Variants in KIAA1671 observed in about 807,000 individuals in gnomAD.
KIAA1671 encodes the protein uncharacterized protein KIAA1671.
KIAA1671 carries 52 observed loss-of-function variants against 131.2 expected under a neutral mutation model. The observed-to-expected ratio is 0.40, with a 90% confidence interval of 0.32 to 0.50. The LOEUF is 0.50. Among genes scored for constraint, KIAA1671 ranks in the 20% least tolerant of loss-of-function variants. The pLI, the probability that KIAA1671 is intolerant of heterozygous loss-of-function variation, is 0.73. For synonymous variants in KIAA1671, 1,003 were observed against 961.6 expected (o/e 1.04, Z -0.80); for missense variants, 2,360 against 2,364.2 (o/e 1.00, Z 0.04).
intron 6 of KIAA1671, among the ~76,000 whole-genome samples, chr22:25,075,778 CTTT>C (rs59244604): frequency 7.5e-6 from 1 of 132,580 alleles, no homozygotes. Flanking sequence ...CAGTGCGCAT[CTTT>C]TTTTTTTTTT....
intron 1 of KIAA1671, among the ~76,000 whole-genome samples, chr22:25,006,161 A>G (rs2123869287): frequency 6.6e-6 from 1 of 152,190 alleles, no homozygotes; most frequent in South Asian, 2.1e-4. Flanking sequence ...CCTCCCGAGT[A>G]GCTGGGACTA....
chr22:25,174,343 G>A lies in KIAA1671; in HGVS notation c.4753G>A (p.Gly1585Arg). ...CTCCCAAACGGAGCCCACCTCGGCA[G>A]GGGACCAGTATGACTGCTCCAGGGA... The part of the protein sequence containing the change: ...LSSQTEPTSA[G>R]DQYDCSRDQR... The change falls in exon 8 of 13, where the codon GGG becomes AGG. Residue 1585 changes from glycine to arginine, a missense_variant. Around this residue, in one of 3 missense-constraint regions of KIAA1671, gnomAD observed 1,161 missense variants for 1,204.7 expected, o/e 0.96. Transcript: ENST00000358431. 1.3e-6 allele frequency: 2 copies of A among 1,552,008 alleles called. No individual in the cohort carries two copies. Among genetic ancestry groups the A allele is most frequent in the Non-Finnish European group, 1.7e-6 (2 of 1,147,074 alleles).
Position 25,176,944 on chromosome 22 carries a change from G to A in KIAA1671, c.4900-404G>A, listed in dbSNP as rs143792727. On this transcript the variant is annotated intron_variant, in intron 8 of 12. Transcript: ENST00000358431. ...TGAATACAGTTGACAGAAGGATTTA[G>A]TTAGATGTTGAATCCATTATTCATT... 448 of 161,876 alleles carry A rather than the reference G, an allele frequency of 2.8e-3. 2 individuals carry two copies. The highest frequency in any genetic ancestry group is 4.9e-3 in the Non-Finnish European group (368 of 74,496). The allele number at this position is 161,876 out of a possible 1,614,324, so 10.0% of individuals were successfully genotyped here.
intron 6 of KIAA1671, among the ~76,000 whole-genome samples, chr22:25,093,860 C>CTCTCTCTG (rs1930266035): frequency 7.7e-6 from 1 of 129,502 alleles, no homozygotes. Context: ...CTCTCTCTCT[C>CTCTCTCTG]TCTCTCTCTC....
chr22:25,060,468 C>CA (rs951260255), intron 6 of KIAA1671: 1 of 152,352 alleles, frequency 6.6e-6, no homozygotes, highest in Non-Finnish European at 1.5e-5. Flanking sequence ...AGGTGTGAGC[C>CA]ACCGCGCCTG....
chr22:24,998,846 T>C (rs1160050695), intron 1 of KIAA1671, among the ~76,000 whole-genome samples: 1 of 152,024 alleles, frequency 6.6e-6, no homozygotes, highest in Non-Finnish European at 1.5e-5. Flanking sequence ...CTGCAGGTTT[T>C]TTTTTTTTAT....
chr22:24,987,429 T>C (rs756092695), intron 1 of KIAA1671, among the ~76,000 whole-genome samples: 11 of 151,992 alleles, frequency 7.2e-5, no homozygotes, highest in Non-Finnish European at 1.5e-4. Context: ...CCTCGGCCTC[T>C]CAAAGTGCTG....
At chr22:24,985,316 G>A (rs543943905) in intron 1 of KIAA1671, among the ~76,000 whole-genome samples, 2 of 151,794 alleles carry the variant, frequency 1.3e-5, no homozygotes, top group Middle Eastern at 3.4e-3. Context: ...GTGAAAGGCC[G>A]TTATTTCCTG....
intron 1 of KIAA1671, among the ~76,000 whole-genome samples, chr22:24,960,438 C>T (rs1328533101): frequency 1.3e-5 from 2 of 149,298 alleles, no homozygotes; most frequent in Admixed American, 6.7e-5. Context: ...CCCAGCTACT[C>T]GGGAGGCTGA....
chr22:25,146,696 C>G (rs928445797), intron 6 of KIAA1671, among the ~76,000 whole-genome samples: 2 of 152,222 alleles, frequency 1.3e-5, no homozygotes, highest in African/African-American at 2.4e-5. Flanking sequence ...ATGTTCCCCC[C>G]ACTCCTCCAA....
chr22:24,977,580 TG>T (rs951927789), intron 1 of KIAA1671, among the ~76,000 whole-genome samples: 1 of 152,208 alleles, frequency 6.6e-6, no homozygotes, highest in Non-Finnish European at 1.5e-5. Context: ...CAGCCCACCC[TG>T]GGGCTCCAAA....
intron 6 of KIAA1671, among the ~76,000 whole-genome samples, chr22:25,134,665 T>G (rs2145950268): frequency 6.6e-6 from 1 of 152,270 alleles, no homozygotes; most frequent in Non-Finnish European, 1.5e-5. Context: ...CCCAGAGAGT[T>G]GGAGGCAGCT....
chr22:25,164,961 AGAGAG>A (rs1207864675), intron 6 of KIAA1671, among the ~76,000 whole-genome samples: 1 of 61,102 alleles, frequency 1.6e-5, no homozygotes, highest in African/African-American at 1.1e-4. Flanking sequence ...AAAAAAAAAA[AGAGAG>A]AGAGTTGCAG....
intron 1 of KIAA1671, among the ~76,000 whole-genome samples, chr22:25,016,107 A>G (rs1602068901): frequency 7.0e-6 from 1 of 143,504 alleles, no homozygotes; most frequent in East Asian, 2.1e-4. Flanking sequence ...TGCAACCACC[A>G]CCTCCCGGGC....
chr22:25,027,912 A>C, intron 2 of KIAA1671, 33 bp from the exon 3 acceptor site: 1 of 1,106,972 alleles, frequency 9.0e-7, no homozygotes, highest in Non-Finnish European at 1.3e-6. Context: ...ACTGTTTTCC[A>C]AATTTACTTG....
chr22:25,090,560 G>T (rs978078771), intron 6 of KIAA1671, among the ~76,000 whole-genome samples: 2 of 152,246 alleles, frequency 1.3e-5, no homozygotes, highest in Admixed American at 6.5e-5. Context: ...CACACTCGGA[G>T]AACTTTTCTG....
chr22:25,029,655 C>T, intron 3 of KIAA1671, 115 bp downstream of exon 3: 1 of 743,172 alleles, frequency 1.3e-6, no homozygotes, highest in East Asian at 2.8e-5. Context: ...ACCCATAGCC[C>T]AAGAGGAGGT....
intron 5 of KIAA1671, among the ~76,000 whole-genome samples, chr22:25,048,587 G>T (rs1332879140): frequency 6.6e-6 from 1 of 152,102 alleles, no homozygotes; most frequent in Non-Finnish European, 1.5e-5. Context: ...AGAGTGTGAA[G>T]CATATAAAAT....
At chr22:25,092,326 C>T (rs923336138) in intron 6 of KIAA1671, among the ~76,000 whole-genome samples, 1 of 152,130 alleles carries the variant, frequency 6.6e-6, no homozygotes, top group Non-Finnish European at 1.5e-5. Context: ...GCAGAGGGAA[C>T]AGCACGTGCA....
Sources: gnomAD v4.1 joint callset for allele counts (sites outside exome capture counted in the v4.1 genomes callset) on GRCh38, gnomAD v4.1.1 for gene constraint, gnomAD v4.1.1 regional missense constraint, MANE v1.5 for transcripts, NCBI Gene and HGNC (gene_info 2026-07-23, HGNC 2026-07-21) for gene names.